SIRT3: variants seen among roughly 807,000 people sequenced by gnomAD.
The protein encoded by SIRT3 is NAD-dependent protein deacetylase sirtuin-3, mitochondrial.
A neutral mutation model predicts 33.5 loss-of-function variants in SIRT3; 26 were observed. The ratio of observed to expected loss-of-function variants is 0.78; its 90% CI spans 0.57 to 1.08. SIRT3 has a LOEUF of 1.08. SIRT3 is among the 50% of genes least tolerant of loss of function. The pLI is 0.00. For missense variants in SIRT3, 585 were observed against 530.1 expected (o/e 1.10, Z -1.02); for synonymous variants, 237 against 222.1 (o/e 1.07, Z -0.60).
At chr11:236,859 C>A (rs1188840155), upstream of SIRT3, 1 of 604,996 alleles carries the variant, frequency 1.7e-6, no homozygotes, top group Non-Finnish European at 2.9e-6. Flanking sequence ...CTGCAAACGC[C>A]GGAGAGTTTT....
Position 224,228 on chromosome 11 carries a change from C to T in SIRT3, c.819G>A (p.Met273Ile). ...FPGEDIRADV[M>I]ADRVPRCPVC... ...CCGGGCAGCGGGGAACCCTGTCTGCCATCACGTCAGCCTGGAAAACAGAGA... is the reference window on the plus strand; with the variant it reads ...CCGGGCAGCGGGGAACCCTGTCTGCTATCACGTCAGCCTGGAAAACAGAGA... The change falls in exon 5 of 7, where the codon ATG (methionine) becomes ATA (isoleucine). Residue 273 changes from methionine to isoleucine, a missense_variant. Physicochemically the swap from Met to Ile is conservative, Grantham distance 10. Transcript: ENST00000382743. 1 of 1,614,046 alleles carries T rather than the reference C, an allele frequency of 6.2e-7. No homozygotes were observed. Among genetic ancestry groups the T allele is most frequent in the South Asian group, 1.1e-5 (1 of 91,070 alleles).
At chr11:233,724 A>G in intron 1 of SIRT3, 190 bp from the exon 2 acceptor site, 1 of 605,078 alleles carries the variant, frequency 1.7e-6, no homozygotes, top group Non-Finnish European at 2.8e-6. Flanking sequence ...GTCATAAATC[A>G]GAAATCAAGA....
intron 4 of SIRT3, among the ~76,000 whole-genome samples, chr11:226,796 C>T (rs1355681413): frequency 6.7e-6 from 1 of 149,336 alleles, no homozygotes; most frequent in Admixed American, 6.7e-5. Context: ...TCTTGTTTCC[C>T]AGGCTGGAGT....
Position 236,269 on chromosome 11 carries a change from T to G in SIRT3, c.60A>C (p.Glu20Asp). 6.5e-7 allele frequency: 1 copy of G among 1,541,904 alleles called. No homozygotes were observed. The highest frequency in any genetic ancestry group is 8.7e-7 in the Non-Finnish European group (1 of 1,149,402). ...CCACGCCTCCCCCGGCCTCGACCCG[T>G]TCAACTACCCGGCCCCACAGCCGGA... ...AALRLWGRVV[E>D]RVEAGGGVGP... The change falls in exon 1 of 7, where the codon GAA becomes GAC. Residue 20 changes from glutamate to aspartate, a missense_variant. By Grantham distance (45) the Glu-to-Asp change is conservative. Coordinates refer to ENST00000382743, the MANE Select transcript of SIRT3 (RefSeq NM_012239.6).
At chr11:236,400 CCCCCGCCCCCGGCGCCCCAG>C (rs1184082533), upstream of SIRT3, 14 of 296,778 alleles carry the variant, frequency 4.7e-5, no homozygotes, top group South Asian at 1.1e-3. Context: ...CCGCCTCCCA[CCCCCGCCCCCGGCGCCCCAG>C]CCCCGCCTCC....
intron 1 of SIRT3, 97 bp from the exon 2 acceptor site, chr11:233,631 C>T: frequency 8.6e-7 from 1 of 1,156,982 alleles, no homozygotes; most frequent in Non-Finnish European, 1.3e-6. Flanking sequence ...CACCGCCACC[C>T]TCGAGAATGA....
intron 5 of SIRT3, among the ~76,000 whole-genome samples, chr11:221,613 G>T (rs761155738): frequency 3.3e-5 from 5 of 152,222 alleles, no homozygotes; most frequent in Non-Finnish European, 5.9e-5. Context: ...GGGATCTGGA[G>T]TGGTACTCCA....
At chr11:236,485 C>G, upstream of SIRT3, 3 of 334,882 alleles carry the variant, frequency 9.0e-6, no homozygotes, top group Non-Finnish European at 1.3e-5. Flanking sequence ...CCGCCCCCGC[C>G]TCCTTGCCGA....
In SIRT3 at chr11:236,321, A is replaced by G; in HGVS notation, c.8T>C (p.Phe3Ser). 6.6e-7 allele frequency: 1 copy of G among 1,506,786 alleles called. No individual in the cohort carries two copies. Among genetic ancestry groups the G allele is most frequent in the Non-Finnish European group, 8.8e-7 (1 of 1,134,806 alleles). 93.3% of individuals were successfully genotyped at this position (1,506,786 alleles called of 1,614,324 possible). The change falls in exon 1 of 7, where the codon TTC becomes TCC. Residue 3 changes from phenylalanine to serine, a missense_variant. By Grantham distance (155) the Phe-to-Ser change is radical (BLOSUM62 -2). Transcript: ENST00000382743. The stretch of plus-strand genomic sequence containing the variant: ...GGCTGCCGCGGCGCGCCAACCCCAG[A>G]ACGCCATGTTCCGCGCAGTCCAAGG... Reference protein sequence around the residue: MAFWGWRAAAALR... With the variant: MASWGWRAAAALR...
chr11:227,108 G>T (rs1857285616), intron 4 of SIRT3, among the ~76,000 whole-genome samples: 1 of 151,912 alleles, frequency 6.6e-6, no homozygotes, highest in Non-Finnish European at 1.5e-5. Context: ...AAACCACAGT[G>T]GAGAAACCGC....
At chr11:229,050 A>T (rs554101003) in intron 4 of SIRT3, among the ~76,000 whole-genome samples, 2 of 152,376 alleles carry the variant, frequency 1.3e-5, no homozygotes, top group Admixed American at 1.3e-4. Context: ...AGCTGTAATT[A>T]AAAAATGGAA....
chr11:229,049 T>C (rs1237582351), intron 4 of SIRT3, among the ~76,000 whole-genome samples: 1 of 152,158 alleles, frequency 6.6e-6, no homozygotes, highest in African/African-American at 2.4e-5. Flanking sequence ...TAGCTGTAAT[T>C]AAAAAATGGA....
In SIRT3 at chr11:216,669, C is replaced by A. The variant is rs1468682782; in HGVS notation, c.*29G>T. 1 of 1,613,622 alleles carries A rather than the reference C, an allele frequency of 6.2e-7. No individual in the cohort carries two copies. The highest frequency in any genetic ancestry group is 8.5e-7 in the Non-Finnish European group (1 of 1,179,626). On this transcript the variant is annotated 3_prime_UTR_variant, in exon 7 of 7. Coordinates refer to ENST00000382743, the MANE Select transcript of SIRT3 (RefSeq NM_012239.6). Reference sequence around the variant, plus strand: ...TGGGATGTGGATGTCTCCTATGTTACCATTTATTGTGTGGGGGCAGCCATC... The same window carrying A: ...TGGGATGTGGATGTCTCCTATGTTAACATTTATTGTGTGGGGGCAGCCATC...
chr11:226,094 G>A (rs939963667), intron 4 of SIRT3: 6 of 152,190 alleles, frequency 3.9e-5, no homozygotes, highest in Non-Finnish European at 8.8e-5. Flanking sequence ...AAGATAGAAG[G>A]AAACAGAGGA....
rs1319585083 is a variant in SIRT3 at position 236,288 on chromosome 11, A to G, written c.41T>C (p.Leu14Pro). 9 of 1,533,040 alleles carry G rather than the reference A, an allele frequency of 5.9e-6. No homozygotes were observed. The highest frequency in any genetic ancestry group is 7.0e-6 in the Non-Finnish European group (8 of 1,146,668). The allele number at this position is 1,533,040 out of a possible 1,614,324, so 95.0% of individuals were successfully genotyped here. ...WGWRAAAALR[L>P]WGRVVERVEA... ...GACCCGTTCAACTACCCGGCCCCACAGCCGGAGGGCTGCCGCGGCGCGCCA... is the reference window on the plus strand; with the variant it reads ...GACCCGTTCAACTACCCGGCCCCACGGCCGGAGGGCTGCCGCGGCGCGCCA... Residue 14 changes from leucine (L) to proline (P), a missense_variant, in exon 1 of 7, where the codon CTG becomes CCG. By Grantham distance (98) the Leu-to-Pro change is moderately conservative. Transcript: ENST00000382743.
At chr11:232,928 G>A (rs1374713200) in intron 3 of SIRT3, 55 bp downstream of exon 3, 1 of 1,555,186 alleles carries the variant, frequency 6.4e-7, no homozygotes, top group East Asian at 2.2e-5. Flanking sequence ...GGGAGAAACA[G>A]GCACCCGAGC....
intron 3 of SIRT3, among the ~76,000 whole-genome samples, chr11:232,245 G>C (rs1858151316): frequency 6.6e-6 from 1 of 151,996 alleles, no homozygotes; most frequent in African/African-American, 2.4e-5. Context: ...AGCCTCCCGA[G>C]TACCTGGGAT....
In SIRT3 at chr11:216,575, G is replaced by T; in HGVS notation, c.*123C>A. 9.5e-7 allele frequency: 1 copy of T among 1,051,992 alleles called. No individual in the cohort carries two copies. The highest frequency in any genetic ancestry group is 1.5e-6 in the Non-Finnish European group (1 of 681,406). 65.2% of individuals were successfully genotyped at this position (1,051,992 alleles called of 1,614,324 possible). ...AGACATTCCAGTGGCAGCCTCGGGT[G>T]TCCACTCAGTTCACATATTCTGGTT... On this transcript the variant is annotated 3_prime_UTR_variant, in exon 7 of 7. Coordinates refer to ENST00000382743, the MANE Select transcript of SIRT3 (RefSeq NM_012239.6).
At chr11:231,087 C>T (rs34046183) in intron 3 of SIRT3, among the ~76,000 whole-genome samples, 23,588 of 149,914 alleles carry the variant, frequency 0.16, 2,331 homozygotes, top group Middle Eastern at 0.22. Flanking sequence ...GTCGTGCCAC[C>T]GCACTCCAGT....
Sources: gnomAD v4.1 joint callset for allele counts (sites outside exome capture counted in the v4.1 genomes callset) on GRCh38, gnomAD v4.1.1 for gene constraint, MANE v1.5 for transcripts, NCBI Gene and HGNC (gene_info 2026-07-23, HGNC 2026-07-21) for gene names.